UNC80: variants seen among roughly 807,000 people sequenced by gnomAD.
The protein encoded by UNC80 is unc-80 subunit of NALCN channel complex.
A neutral mutation model predicts 384.6 loss-of-function variants in UNC80; 164 were observed. That is an observed-to-expected ratio of 0.43 (90% CI 0.38 to 0.49). UNC80 has a LOEUF of 0.49. Among genes scored for constraint, UNC80 ranks in the 20% least tolerant of loss-of-function variants. The pLI is 0.00. For missense variants in UNC80, 3,330 were observed against 4,143.0 expected, an observed-to-expected ratio of 0.80 and a Z score of 5.39; for synonymous variants, 1,486 against 1,527.8, an observed-to-expected ratio of 0.97 and a Z score of 0.64.
At chr2:209,864,571 T>A (rs1297322908) in intron 22 of UNC80, among the ~76,000 whole-genome samples, 1 of 151,970 alleles carries the variant, frequency 6.6e-6, no homozygotes, top group Admixed American at 6.5e-5. Context: ...GTTATTGGAG[T>A]TCCTGCAGGG....
intron 7 of UNC80, 112 bp from the exon 8 acceptor site, chr2:209,813,468 C>A: frequency 1.7e-6 from 2 of 1,174,112 alleles, no homozygotes; most frequent in Non-Finnish European, 1.2e-6. Flanking sequence ...ACGTAAGAAA[C>A]AAGTAAATGA....
In UNC80 at chr2:209,831,505, G is replaced by A; in HGVS notation, c.2689G>A (p.Glu897Lys). ...CAACAAATCCACAGCCCAAAATGTGGAAGGCATTATCGTCAGCGCCATGTT... is the reference window on the plus strand; with the variant it reads ...CAACAAATCCACAGCCCAAAATGTGAAAGGCATTATCGTCAGCGCCATGTT... Reference protein sequence around the residue: ...VDNKSTAQNVEGIIVSAMFKS... With the variant: ...VDNKSTAQNVKGIIVSAMFKS... The change falls in exon 16 of 65, where the codon GAA becomes AAA. Residue 897 changes from glutamate (E) to lysine (K), a missense_variant. Transcript: ENST00000673920. 1.3e-6 allele frequency: 2 copies of A among 1,551,408 alleles called. No homozygotes were observed. Among genetic ancestry groups the A allele is most frequent in the South Asian group, 2.4e-5 (2 of 84,034 alleles).
At chr2:209,972,711 G>T (rs1559419180) in intron 55 of UNC80, among the ~76,000 whole-genome samples, 1 of 152,300 alleles carries the variant, frequency 6.6e-6, no homozygotes, top group East Asian at 1.9e-4. Flanking sequence ...AAATTCCAAT[G>T]TATTTTCATT....
intron 26 of UNC80, among the ~76,000 whole-genome samples, chr2:209,890,154 T>A (rs1448052203): frequency 1.3e-5 from 2 of 152,104 alleles, no homozygotes; most frequent in Non-Finnish European, 2.9e-5. Context: ...CAACTCAGAG[T>A]TTAAATGTCT....
Position 209,967,424 on chromosome 2 carries a change from A to G in UNC80, c.7806-13A>G. The stretch of plus-strand genomic sequence containing the variant: ...TATACTTTAAAATATATATACATAT[A>G]TATATATTTTAGGTTGGCAGAAATT... On this transcript the variant is annotated splice_polypyrimidine_tract_variant and intron_variant, in intron 51 of 64. Transcript: ENST00000673920. 2 of 1,529,234 alleles carry G rather than the reference A, an allele frequency of 1.3e-6. No homozygotes were observed. The highest frequency in any genetic ancestry group is 1.4e-5 in the African/African-American group (1 of 72,234). The allele number at this position is 1,529,234 out of a possible 1,614,324, so 94.7% of individuals were successfully genotyped here. A position where few individuals can be genotyped will look rare whatever the true frequency, so the allele number is the denominator to read the frequency against.
chr2:209,981,453 C>T (rs1033405340), intron 59 of UNC80, among the ~76,000 whole-genome samples: 1 of 152,172 alleles, frequency 6.6e-6, no homozygotes. Context: ...TGGTGTGCAC[C>T]TCCAGTCCCA....
intron 21 of UNC80, among the ~76,000 whole-genome samples, chr2:209,845,972 GCTCT>G (rs1426821604): frequency 6.8e-6 from 1 of 147,482 alleles, no homozygotes; most frequent in Non-Finnish European, 1.5e-5. Context: ...TTTCTTTCTT[GCTCT>G]CTCTCTTCTT....
intron 33 of UNC80, among the ~76,000 whole-genome samples, chr2:209,920,077 G>A (rs894111057): frequency 6.6e-6 from 1 of 152,182 alleles, no homozygotes; most frequent in African/African-American, 2.4e-5. Context: ...GCTGAGACAG[G>A]AGAATCACTT....
intron 46 of UNC80, 111 bp from the exon 47 acceptor site, chr2:209,945,736 C>A: frequency 1.6e-6 from 1 of 638,310 alleles, no homozygotes; most frequent in Non-Finnish European, 2.6e-6. Flanking sequence ...TAAAATTTAA[C>A]AAGAAAAGGC....
intron 7 of UNC80, chr2:209,808,764 T>A: frequency 4.0e-6 from 1 of 251,316 alleles, no homozygotes; most frequent in Non-Finnish European, 7.8e-6. Context: ...TCGCCTGCGC[T>A]ACTTCTGCGC....
intron 7 of UNC80, among the ~76,000 whole-genome samples, chr2:209,799,283 C>G (rs1471070664): frequency 6.6e-6 from 1 of 151,894 alleles, no homozygotes; most frequent in East Asian, 1.9e-4. Flanking sequence ...TGAAAAGGTC[C>G]TTCATATCCC....
Position 209,997,836 on chromosome 2 carries a change from A to G in UNC80, c.*2241A>G, listed in dbSNP as rs73080885. The G allele has an allele frequency of 6.6e-6, 1 of 152,144 alleles. No individual in the cohort carries two copies. Among genetic ancestry groups the G allele is most frequent in the African/African-American group, 2.4e-5 (1 of 41,412 alleles). The allele number at this position is 152,144 out of a possible 1,614,324, so 9.4% of individuals were successfully genotyped here. On this transcript the variant is annotated 3_prime_UTR_variant, in exon 65 of 65. Transcript: ENST00000673920. ...GGTGCCCTTAAATGTGTTGAATGTA[A>G]TGTGTTGAATGTTTATGTGTAATGG... is the stretch of plus-strand genomic sequence containing the variant.
chr2:209,916,480 T>C (rs569422342), intron 31 of UNC80, among the ~76,000 whole-genome samples: 10 of 152,350 alleles, frequency 6.6e-5, no homozygotes, highest in African/African-American at 2.4e-4. Flanking sequence ...GATAGAACTC[T>C]GCAGTGACTT....
At chr2:209,929,329 GATTA>G (rs1357213893) in intron 36 of UNC80, among the ~76,000 whole-genome samples, 3 of 151,970 alleles carry the variant, frequency 2.0e-5, no homozygotes, top group Non-Finnish European at 4.4e-5. Context: ...TTCTCATTAG[GATTA>G]ATTATTTATT....
chr2:209,932,477 C>T (rs967427087), intron 38 of UNC80, among the ~76,000 whole-genome samples: 3 of 152,160 alleles, frequency 2.0e-5, no homozygotes, highest in Non-Finnish European at 2.9e-5. Flanking sequence ...GAGATGAGAG[C>T]GCCTTCAGTG....
intron 51 of UNC80, among the ~76,000 whole-genome samples, chr2:209,961,888 C>A (rs2092602657): frequency 6.6e-6 from 1 of 152,112 alleles, no homozygotes. Flanking sequence ...GACACAGGAG[C>A]CTTCAGGATG....
chr2:209,794,435 G>C (rs968011063), intron 7 of UNC80, among the ~76,000 whole-genome samples: 1 of 152,160 alleles, frequency 6.6e-6, no homozygotes, highest in African/African-American at 2.4e-5. Flanking sequence ...GAGCTCCTGA[G>C]ACTATCTGTA....
chr2:209,798,788 C>G (rs987575611), intron 7 of UNC80, among the ~76,000 whole-genome samples: 3 of 150,520 alleles, frequency 2.0e-5, no homozygotes, highest in Non-Finnish European at 4.4e-5. Flanking sequence ...CGCCATTCTC[C>G]TGCCTCAGCC....
Position 209,941,305 on chromosome 2 carries a change from G to A in UNC80, c.6731G>A (p.Ser2244Asn), listed in dbSNP as rs1305508490. ...LLEEMFLGMP[S>N]EFPWGDEIML... Reference sequence around the variant, plus strand: ...GAGGAAATGTTCCTGGGCATGCCGAGCGAGTTTCCATGGGGAGACGAAATC... The same window carrying A: ...GAGGAAATGTTCCTGGGCATGCCGAACGAGTTTCCATGGGGAGACGAAATC... Residue 2244 changes from serine to asparagine, a missense_variant, in exon 44 of 65, where the codon AGC becomes AAC. By Grantham distance (46) the Ser-to-Asn change is conservative. Around this residue, in one of 8 missense-constraint regions of UNC80, gnomAD observed 1,049 missense variants for 1,488.6 expected, o/e 0.70. Coordinates refer to ENST00000673920, the MANE Select transcript of UNC80 (RefSeq NM_001371986.1). The A allele has an allele frequency of 5.8e-6, 9 of 1,548,924 alleles. No individual in the cohort carries two copies. Among genetic ancestry groups the A allele is most frequent in the Non-Finnish European group, 7.9e-6 (9 of 1,144,680 alleles).
Sources: allele counts gnomAD v4.1 joint callset (sites outside exome capture counted in the v4.1 genomes callset), GRCh38; gene constraint gnomAD v4.1.1; regional missense constraint gnomAD v4.1.1; transcripts MANE v1.5; gene names NCBI Gene and HGNC (gene_info 2026-07-23, HGNC 2026-07-21).